Variants in TMEM164 observed in about 807,000 individuals in gnomAD.
The protein encoded by TMEM164 is transmembrane protein 164.
TMEM164 carries 4 observed loss-of-function variants against 18.8 expected under a neutral mutation model. That is an observed-to-expected ratio of 0.21 (90% CI 0.10 to 0.49). The LOEUF (loss-of-function observed/expected upper bound fraction) is 0.49. Ranked by LOEUF, TMEM164 falls within the 20% of genes least tolerant of loss-of-function variation. The pLI is 0.98. For synonymous variants in TMEM164, 86 were observed against 101.7 expected (o/e 0.85, Z 0.93); for missense variants, 108 against 239.9 (o/e 0.45, Z 3.63).
At chrX:110,171,938 T>C (rs774026022) in intron 6 of TMEM164, among the ~76,000 whole-genome samples, 1 of 112,248 alleles carries the variant, frequency 8.9e-6, no homozygotes, top group Non-Finnish European at 1.9e-5. Context: ...CTGAGCTTCA[T>C]GGCCAGTGAA....
chrX:110,016,096 A>G (rs1233986506), intron 2 of TMEM164, among the ~76,000 whole-genome samples: 1 of 112,663 alleles, frequency 8.9e-6, no homozygotes, highest in African/African-American at 3.2e-5. Context: ...GTGTTTGGCC[A>G]TATCTCACAG....
At chrX:110,106,421 C>T (rs1186651039) in intron 3 of TMEM164, among the ~76,000 whole-genome samples, 4 of 105,474 alleles carry the variant, frequency 3.8e-5, no homozygotes, top group South Asian at 4.5e-4. Flanking sequence ...TCACTCAGGC[C>T]GGAGTGCAAT....
intron 3 of TMEM164, among the ~76,000 whole-genome samples, chrX:110,084,406 A>G (rs1365350188): frequency 1.2e-5 from 1 of 85,505 alleles, no homozygotes; most frequent in East Asian, 3.2e-4. Context: ...TAGTATATAT[A>G]TATAGTGTAT....
intron 2 of TMEM164, among the ~76,000 whole-genome samples, chrX:110,044,593 C>CTTTTTTTTTTTTT (rs56400284): frequency 2.8e-5 from 1 of 35,956 alleles, no homozygotes; most frequent in East Asian, 1.4e-3. Context: ...CCATTCCTTG[C>CTTTTTTTTTTTTT]TTTTTTTTTT....
At chrX:110,092,670 C>G (rs1293703974) in intron 3 of TMEM164, among the ~76,000 whole-genome samples, 6 of 111,926 alleles carry the variant, frequency 5.4e-5, no homozygotes, top group African/African-American at 1.9e-4. Flanking sequence ...GACAATTTGA[C>G]TTCCTCTTTT....
intron 2 of TMEM164, among the ~76,000 whole-genome samples, chrX:110,014,131 C>T (rs1478019695): frequency 1.0e-5 from 1 of 98,397 alleles, no homozygotes; most frequent in East Asian, 4.0e-4. Flanking sequence ...AAGACACATT[C>T]AATACATTTA....
At position 110,176,652 on chromosome X, in the gene TMEM164, C is replaced by T. The variant is rs1157819121; in HGVS notation, c.*3201C>T. 8.7e-6 allele frequency: 1 copy of T among 114,557 alleles called. No individual in the cohort carries two copies. Among genetic ancestry groups the T allele is most frequent in the African/African-American group, 3.3e-5 (1 of 30,592 alleles). The allele number at this position is 114,557 out of a possible 1,213,427, so 9.4% of individuals were successfully genotyped here. ...TGTCCTATGAAGTGGGCACAGCTCCCCACAGAGAGCAAGTTGTCAGCAGGT... is the reference window on the plus strand; with the variant it reads ...TGTCCTATGAAGTGGGCACAGCTCCTCACAGAGAGCAAGTTGTCAGCAGGT... On this transcript the variant is annotated 3_prime_UTR_variant, in exon 7 of 7. Transcript: ENST00000372068.
At chrX:110,036,075 C>G (rs952465204) in intron 2 of TMEM164, among the ~76,000 whole-genome samples, 2 of 111,449 alleles carry the variant, frequency 1.8e-5, no homozygotes, top group African/African-American at 6.5e-5. Flanking sequence ...AAAATGGCAT[C>G]TAAGTTAATG....
intron 5 of TMEM164, among the ~76,000 whole-genome samples, chrX:110,152,445 A>T (rs112546612): frequency 0.05 from 5,556 of 111,234 alleles, 362 homozygotes; most frequent in African/African-American, 0.17. Context: ...GGTTATAAAA[A>T]ATATATATCC....
rs1213643189 is a variant in TMEM164, at chrX:110,099,284, A to AT, written c.441-9786dup. On this transcript the variant is annotated intron_variant, in intron 3 of 6. Coordinates refer to ENST00000372068, the MANE Select transcript of TMEM164 (RefSeq NM_032227.4). Reference sequence around the variant, plus strand: ...TCATTTTGATTAATGTCAGTTTATCATTTTTTTTTTCTTTTATGTATTGTG... The same window carrying AT: ...TCATTTTGATTAATGTCAGTTTATCATTTTTTTTTTTCTTTTATGTATTGTG... Among the ~76,000 whole-genome samples, 257 of 104,877 alleles carry AT rather than the reference A, an allele frequency of 2.5e-3. 6 individuals are homozygous for AT. The South Asian group carries it at 0.092, about 38-fold the overall frequency. The allele number at this position is 104,877 out of a possible 115,157, so 91.1% of individuals were successfully genotyped here.
chrX:110,017,646 C>T (rs1251898386), intron 2 of TMEM164, among the ~76,000 whole-genome samples: 17 of 100,549 alleles, frequency 1.7e-4, no homozygotes, highest in East Asian at 3.1e-4. Context: ...CTTGGCTCAC[C>T]GCAATCTCCG....
chrX:110,175,792 T>C lies in TMEM164; in HGVS notation c.*2341T>C. ...GGAGCCATGGCCTGTATTTGGGGCA[T>C]TGGGGAGCATAAGGCATCTGAACTG... On this transcript the variant is annotated 3_prime_UTR_variant, in exon 7 of 7. Coordinates refer to ENST00000372068, the MANE Select transcript of TMEM164 (RefSeq NM_032227.4). The C allele has an allele frequency of 2.6e-6, 2 of 754,913 alleles. No individual in the cohort carries two copies. Among genetic ancestry groups the C allele is most frequent in the South Asian group, 6.7e-5 (1 of 14,863 alleles). The allele number at this position is 754,913 out of a possible 1,213,427, so 62.2% of individuals were successfully genotyped here.
chrX:110,047,706 A>G (rs773367628), intron 2 of TMEM164, among the ~76,000 whole-genome samples: 1 of 111,856 alleles, frequency 8.9e-6, no homozygotes, highest in South Asian at 3.7e-4. Flanking sequence ...ACATTCCCCA[A>G]CAAGTGCTGA....
At chrX:110,095,383 T>C (rs914950358) in intron 3 of TMEM164, among the ~76,000 whole-genome samples, 4 of 111,958 alleles carry the variant, frequency 3.6e-5, no homozygotes, top group Non-Finnish European at 7.5e-5. Context: ...CGTTTCTTTT[T>C]ATTCTTTTTT....
intron 2 of TMEM164, among the ~76,000 whole-genome samples, chrX:110,029,639 A>G (rs1361275810): frequency 2.7e-5 from 3 of 112,318 alleles, no homozygotes; most frequent in Non-Finnish European, 5.6e-5. Context: ...GAATGGAATC[A>G]GACTATGTGA....
intron 2 of TMEM164, among the ~76,000 whole-genome samples, chrX:110,047,260 G>A (rs955352639): frequency 8.9e-6 from 1 of 112,295 alleles, no homozygotes; most frequent in African/African-American, 3.2e-5. Context: ...TGAAAGGAAA[G>A]TGAAGAAAAA....
chrX:110,036,719 A>G (rs192095705), intron 2 of TMEM164, among the ~76,000 whole-genome samples: 1 of 112,306 alleles, frequency 8.9e-6, no homozygotes, highest in East Asian at 2.8e-4. Context: ...TGAATCATCA[A>G]ATTTTCCAAG....
chrX:110,109,267 C>T (rs1214958704), intron 4 of TMEM164, 121 bp downstream of exon 4: 1 of 660,289 alleles, frequency 1.5e-6, no homozygotes, highest in Non-Finnish European at 2.4e-6. Flanking sequence ...CCTGTAATCC[C>T]AGCACTTTGG....
At chrX:110,043,763 G>A (rs193219955) in intron 2 of TMEM164, among the ~76,000 whole-genome samples, 3 of 112,365 alleles carry the variant, frequency 2.7e-5, no homozygotes, top group African/African-American at 9.7e-5. Context: ...ATCTGCCAGA[G>A]ATAATCATTA....
Sources: gnomAD v4.1 joint callset for allele counts (sites outside exome capture counted in the v4.1 genomes callset) on GRCh38, gnomAD v4.1.1 for gene constraint, MANE v1.5 for transcripts, NCBI Gene and HGNC (gene_info 2026-07-23, HGNC 2026-07-21) for gene names.